The following OPHN1 variants were observed in gnomAD, a reference collection of about 807,000 sequenced individuals.
The protein encoded by OPHN1 is oligophrenin-1.
A neutral mutation model predicts 60.7 loss-of-function variants in OPHN1; 11 were observed. The ratio of observed to expected loss-of-function variants is 0.18; its 90% CI spans 0.11 to 0.30. The LOEUF (loss-of-function observed/expected upper bound fraction) is 0.30, where lower values mean the gene tolerates loss of function less well. Among genes scored for constraint, OPHN1 ranks in the 10% least tolerant of loss-of-function variants. The pLI is 1.00. For synonymous variants in OPHN1, 226 were observed against 222.6 expected (o/e 1.02, Z -0.14); for missense variants, 449 against 611.0 (o/e 0.73, Z 2.80).
At chrX:68,120,178 C>T (rs1329539976) in intron 15 of OPHN1, among the ~76,000 whole-genome samples, 1 of 111,107 alleles carries the variant, frequency 9.0e-6, no homozygotes, top group African/African-American at 3.3e-5. Context: ...ACCCATGACA[C>T]CTTACCACCG....
At chrX:68,355,339 AGAT>A (rs1287971370) in intron 2 of OPHN1, among the ~76,000 whole-genome samples, 1 of 112,353 alleles carries the variant, frequency 8.9e-6, no homozygotes, top group African/African-American at 3.2e-5. Context: ...CCATTGTGGA[AGAT>A]TAATGTCTGC....
At chrX:68,197,881 A>G (rs1458721143) in intron 11 of OPHN1, among the ~76,000 whole-genome samples, 1 of 111,247 alleles carries the variant, frequency 9.0e-6, no homozygotes, top group Non-Finnish European at 1.9e-5. Context: ...TAACTCAGTT[A>G]ATATATATAA....
chrX:68,401,766 T>C (rs182820433), intron 2 of OPHN1, among the ~76,000 whole-genome samples: 4 of 111,294 alleles, frequency 3.6e-5, no homozygotes, highest in South Asian at 3.8e-4. Flanking sequence ...CAGAGATGTA[T>C]GGGGGTAAGA....
intron 11 of OPHN1, among the ~76,000 whole-genome samples, chrX:68,200,799 T>A (rs1405169112): frequency 8.9e-6 from 1 of 111,851 alleles, no homozygotes; most frequent in African/African-American, 3.2e-5. Context: ...TCAAGTTCCT[T>A]TCTAGCAATC....
chrX:68,350,348 T>C (rs1181125105), intron 2 of OPHN1, among the ~76,000 whole-genome samples: 1 of 110,437 alleles, frequency 9.1e-6, no homozygotes, highest in Non-Finnish European at 1.9e-5. Flanking sequence ...AGCCTGCCTT[T>C]CTTTCTTTTT....
At position 68,131,193 on chromosome X, in the gene OPHN1, T is replaced by C. The variant is rs773044665; in HGVS notation, c.1277-11861A>G. Among the ~76,000 whole-genome samples the C allele has an allele frequency of 1.5e-3, 97 of 63,496 alleles. 1 individual carries two copies. The highest frequency in any genetic ancestry group is 3.6e-3 in the Non-Finnish European group (91 of 25,622). The allele number at this position is 63,496 out of a possible 115,157, so 55.1% of individuals were successfully genotyped here. Reference sequence around the variant, plus strand: ...CATTAAATTAAACAAAGAACACTTTTATTTATTTATTTATTTATTTATTTA... The same window carrying C: ...CATTAAATTAAACAAAGAACACTTTCATTTATTTATTTATTTATTTATTTA... On this transcript the variant is annotated intron_variant, in intron 15 of 24. Transcript: ENST00000355520.
At chrX:68,317,368 A>G (rs192327509) in intron 2 of OPHN1, among the ~76,000 whole-genome samples, 55 of 67,247 alleles carry the variant, frequency 8.2e-4, no homozygotes, top group African/African-American at 3.9e-3. Flanking sequence ...AGAAAGAAAG[A>G]AAGAAAGAAA....
intron 15 of OPHN1, among the ~76,000 whole-genome samples, chrX:68,153,210 CAAA>C (rs11292214): frequency 1.8e-5 from 1 of 55,414 alleles, no homozygotes; most frequent in Non-Finnish European, 3.9e-5. Flanking sequence ...GACTCCATGT[CAAA>C]AAAAAAAAAA....
intron 2 of OPHN1, among the ~76,000 whole-genome samples, chrX:68,402,399 GAA>G: frequency 9.1e-6 from 1 of 109,511 alleles, no homozygotes. Flanking sequence ...GAAGAGAAGA[GAA>G]GAGAAGGAAG....
intron 23 of OPHN1, among the ~76,000 whole-genome samples, chrX:68,049,627 C>A (rs1226494419): frequency 8.9e-6 from 1 of 111,992 alleles, no homozygotes; most frequent in African/African-American, 3.2e-5. Context: ...CTTTTTACAA[C>A]TTGGTCAGCT....
chrX:68,101,848 T>C (rs1003677488), intron 18 of OPHN1, among the ~76,000 whole-genome samples: 2 of 112,446 alleles, frequency 1.8e-5, no homozygotes, highest in African/African-American at 3.2e-5. Flanking sequence ...ATGCAGCATA[T>C]GGTGTATACA....
intron 6 of OPHN1, among the ~76,000 whole-genome samples, chrX:68,216,650 A>G (rs1191212180): frequency 9.0e-6 from 1 of 111,698 alleles, no homozygotes; most frequent in Non-Finnish European, 1.9e-5. Flanking sequence ...ACTTAATTAA[A>G]CTAAAATCTT....
At chrX:68,223,120 A>G (rs1310964324) in intron 6 of OPHN1, among the ~76,000 whole-genome samples, 1 of 111,374 alleles carries the variant, frequency 9.0e-6, no homozygotes, top group Non-Finnish European at 1.9e-5. Flanking sequence ...TCTATGGAAA[A>G]CAGTATAGAG....
At chrX:68,161,667 T>C (rs749172807) in intron 15 of OPHN1, among the ~76,000 whole-genome samples, 3 of 111,205 alleles carry the variant, frequency 2.7e-5, no homozygotes, top group African/African-American at 9.7e-5. Flanking sequence ...AAAATTAGTA[T>C]TGTTTATAAA....
chrX:68,431,583 A>AT (rs367572189), intron 2 of OPHN1, among the ~76,000 whole-genome samples: 10,158 of 93,421 alleles, frequency 0.11, 614 homozygotes, highest in African/African-American at 0.21. Context: ...TGCCCAGCTA[A>AT]TTTTTTTTTT....
rs190917387 is a variant in OPHN1 at position 68,275,423 on chromosome X, A to T, written c.313-614T>A. Among the ~76,000 whole-genome samples the T allele has an allele frequency of 3.6e-5, 4 of 111,640 alleles. No homozygotes were observed. The East Asian group carries it at 1.1e-3, about 32-fold the overall frequency. On this transcript the variant is annotated intron_variant, in intron 4 of 24. Transcript: ENST00000355520. ...ATGTTCTGGAGATATGAAAACATCA[A>T]AATCAAAGAAGACCCCTTGTTCTTT...
At chrX:68,226,347 A>T (rs1158116591) in intron 6 of OPHN1, among the ~76,000 whole-genome samples, 1 of 111,642 alleles carries the variant, frequency 9.0e-6, no homozygotes, top group African/African-American at 3.3e-5. Flanking sequence ...CTAGCAAGGC[A>T]GGCCAACATT....
At chrX:68,296,909 T>G (rs1481272994) in intron 3 of OPHN1, among the ~76,000 whole-genome samples, 1 of 111,250 alleles carries the variant, frequency 9.0e-6, no homozygotes, top group Non-Finnish European at 1.9e-5. Flanking sequence ...TTCTTTTGTT[T>G]ATAAGTCATT....
At position 68,251,475 on chromosome X, in the gene OPHN1, C is replaced by T. The variant is rs564602135; in HGVS notation, c.385-16887G>A. ...CTGCGATTACAGGCGAGAGCCACCGCACCTGGCCCCTCCTCAAATATTAAC... is the reference window on the plus strand; with the variant it reads ...CTGCGATTACAGGCGAGAGCCACCGTACCTGGCCCCTCCTCAAATATTAAC... On this transcript the variant is annotated intron_variant, in intron 5 of 24. Transcript: ENST00000355520. 3.5e-4 allele frequency among the ~76,000 whole-genome samples: 39 copies of T among 110,589 alleles called. No homozygotes were observed. In the South Asian group the frequency reaches 7.9e-3, roughly 22 times the overall value.
Sources: allele counts gnomAD v4.1 joint callset (sites outside exome capture counted in the v4.1 genomes callset), GRCh38; gene constraint gnomAD v4.1.1; transcripts MANE v1.5; gene names NCBI Gene and HGNC (gene_info 2026-07-23, HGNC 2026-07-21).